Variants in ADARB2 observed in about 807,000 individuals in gnomAD.
ADARB2 encodes adenosine deaminase RNA specific B2 (inactive), also known as inactive double-stranded RNA-specific editase B2.
Under a neutral mutation model 62.2 loss-of-function variants are expected in ADARB2, and 25 were observed. That is an observed-to-expected ratio of 0.40 (90% CI 0.29 to 0.56). The LOEUF (loss-of-function observed/expected upper bound fraction) is 0.56. Among genes scored for constraint, ADARB2 ranks in the 20% least tolerant of loss-of-function variants. The pLI is 0.43. For missense variants in ADARB2, 1,071 were observed against 1,077.4 expected, an observed-to-expected ratio of 0.99 and a Z score of 0.08; for synonymous variants, 572 against 500.8, an observed-to-expected ratio of 1.14 and a Z score of -1.90.
chr10:1,293,654 A>G (rs1027604), intron 3 of ADARB2, among the ~76,000 whole-genome samples: 87,785 of 152,114 alleles, frequency 0.58, 26,393 homozygotes, highest in East Asian at 0.89. Context: ...ACCTTTGACA[A>G]AGCTTCCTCT....
At chr10:1,305,400 G>T (rs996652814) in intron 3 of ADARB2, among the ~76,000 whole-genome samples, 2 of 151,844 alleles carry the variant, frequency 1.3e-5, no homozygotes, top group African/African-American at 2.4e-5. Context: ...TGAAATTGGG[G>T]CAATAATCAA....
At chr10:1,639,912 C>G (rs759242223) in intron 1 of ADARB2, among the ~76,000 whole-genome samples, 7 of 152,024 alleles carry the variant, frequency 4.6e-5, no homozygotes, top group African/African-American at 1.5e-4. Flanking sequence ...GAAGAGGGCT[C>G]AGGCCAAGCC....
At chr10:1,523,169 G>C (rs1167347882) in intron 1 of ADARB2, among the ~76,000 whole-genome samples, 1 of 152,190 alleles carries the variant, frequency 6.6e-6, no homozygotes, top group Non-Finnish European at 1.5e-5. Context: ...TTTTTCTTCA[G>C]AGAGAAACAA....
chr10:1,647,794 A>C (rs886266768), intron 1 of ADARB2, among the ~76,000 whole-genome samples: 4 of 141,144 alleles, frequency 2.8e-5, no homozygotes, highest in Admixed American at 7.0e-5. Context: ...ATGTGTATGC[A>C]TGTGTATATG....
chr10:1,564,063 C>T (rs1213589107), intron 1 of ADARB2, among the ~76,000 whole-genome samples: 2 of 151,570 alleles, frequency 1.3e-5, no homozygotes, highest in African/African-American at 4.9e-5. Flanking sequence ...CAAGTCTTTG[C>T]TATTGTGAAT....
At chr10:1,543,091 C>T (rs1220062436) in intron 1 of ADARB2, among the ~76,000 whole-genome samples, 3 of 152,330 alleles carry the variant, frequency 2.0e-5, no homozygotes, top group Admixed American at 6.5e-5. Flanking sequence ...GTTGTTGGGA[C>T]GGAAGGGATT....
chr10:1,230,077 G>A (rs1589158767), intron 6 of ADARB2, among the ~76,000 whole-genome samples: 2 of 152,134 alleles, frequency 1.3e-5, no homozygotes, highest in South Asian at 4.1e-4. Flanking sequence ...CACTCGAGAA[G>A]ACTGAAACCT....
Position 1,182,874 on chromosome 10 carries a change from G to A in ADARB2, c.*319C>T, listed in dbSNP as rs1836696928. On this transcript the variant is annotated 3_prime_UTR_variant, in exon 10 of 10. Transcript: ENST00000381312. ...GCTCACTCCTGCCTGGTGTCGTGTC[G>A]GTGCCTCCTTCCAAGGCTGCAGCTA... 2 of 270,190 alleles carry A rather than the reference G, an allele frequency of 7.4e-6. No homozygotes were observed. The highest frequency in any genetic ancestry group is 1.4e-5 in the Non-Finnish European group (2 of 140,624). 16.7% of individuals were successfully genotyped at this position (270,190 alleles called of 1,614,324 possible).
At chr10:1,618,732 G>T (rs1833672671) in intron 1 of ADARB2, among the ~76,000 whole-genome samples, 2 of 152,076 alleles carry the variant, frequency 1.3e-5, no homozygotes, top group African/African-American at 4.8e-5. Flanking sequence ...CTGTGACGTG[G>T]TAATCGACAG....
intron 2 of ADARB2, among the ~76,000 whole-genome samples, chr10:1,372,058 A>T (rs1046194387): frequency 3.3e-5 from 5 of 152,202 alleles, no homozygotes; most frequent in African/African-American, 1.2e-4. Context: ...CATGTAACCA[A>T]CCTAAATATC....
chr10:1,558,094 A>C (rs1832730520), intron 1 of ADARB2, among the ~76,000 whole-genome samples: 1 of 152,120 alleles, frequency 6.6e-6, no homozygotes, highest in Non-Finnish European at 1.5e-5. Flanking sequence ...GGAGCAAAGA[A>C]GAAAGGAGCT....
rs529602711 is a variant in ADARB2 at position 1,281,765 on chromosome 10, T to A, written c.1078-10696A>T. 7.6e-3 allele frequency among the ~76,000 whole-genome samples: 1,165 copies of A among 152,298 alleles called. 8 individuals carry two copies. The highest frequency in any genetic ancestry group is 0.014 in the Middle Eastern group (4 of 294). On this transcript the variant is annotated intron_variant, in intron 3 of 9. Transcript: ENST00000381312. ...AGCCCAGGAAACTTCCATGAGAACT[T>A]TTTTTTCCGTTTAAAAAGCCAACCC...
intron 3 of ADARB2, among the ~76,000 whole-genome samples, chr10:1,352,638 A>G (rs377514518): frequency 6.6e-6 from 1 of 152,124 alleles, no homozygotes; most frequent in African/African-American, 2.4e-5. Flanking sequence ...ATCACAAACT[A>G]TGCTCAACTC....
intron 1 of ADARB2, among the ~76,000 whole-genome samples, chr10:1,583,417 G>T (rs1224795949): frequency 6.6e-6 from 1 of 152,176 alleles, no homozygotes; most frequent in Non-Finnish European, 1.5e-5. Context: ...GTATAAAGCA[G>T]AATTTTTAAG....
chr10:1,695,032 G>A (rs113262344), intron 1 of ADARB2, among the ~76,000 whole-genome samples: 6 of 152,310 alleles, frequency 3.9e-5, no homozygotes, highest in African/African-American at 1.4e-4. Context: ...GGATGTGTGG[G>A]TCATGGGCCC....
chr10:1,217,206 G>T, intron 6 of ADARB2, 87 bp from the exon 7 acceptor site: 1 of 1,302,532 alleles, frequency 7.7e-7, no homozygotes, highest in East Asian at 2.7e-5. Flanking sequence ...CTGCAACAGA[G>T]GTCAAAGGGC....
intron 1 of ADARB2, among the ~76,000 whole-genome samples, chr10:1,409,210 C>T (rs1832733884): frequency 2.2e-5 from 2 of 90,116 alleles, no homozygotes; most frequent in African/African-American, 6.3e-5. Context: ...TGACAGCGGG[C>T]TCCCACCTTC....
intron 1 of ADARB2, among the ~76,000 whole-genome samples, chr10:1,475,389 G>A (rs889978697): frequency 7.9e-5 from 12 of 152,194 alleles, no homozygotes; most frequent in Admixed American, 7.2e-4. Flanking sequence ...GAAGGCAGGG[G>A]CCTTCACTCT....
At chr10:1,382,207 C>T (rs1358970754) in intron 1 of ADARB2, among the ~76,000 whole-genome samples, 1 of 152,220 alleles carries the variant, frequency 6.6e-6, no homozygotes, top group Non-Finnish European at 1.5e-5. Flanking sequence ...CCTGTATTTT[C>T]TCTGACACTC....
Sources: gnomAD v4.1 joint callset for allele counts (sites outside exome capture counted in the v4.1 genomes callset) on GRCh38, gnomAD v4.1.1 for gene constraint, MANE v1.5 for transcripts, NCBI Gene and HGNC (gene_info 2026-07-23, HGNC 2026-07-21) for gene names.